The following CELF4 variants were observed in gnomAD, a reference collection of about 807,000 sequenced individuals.
CELF4 encodes CUG-BP- and ETR-3-like factor 4.
A neutral mutation model predicts 59.9 loss-of-function variants in CELF4; 18 were observed. The ratio of observed to expected loss-of-function variants is 0.30; its 90% CI spans 0.21 to 0.45. The LOEUF (loss-of-function observed/expected upper bound fraction) is 0.45, where lower values mean the gene tolerates loss of function less well. Ranked by LOEUF, CELF4 falls within the 20% of genes least tolerant of loss-of-function variation. The probability of loss-of-function intolerance (pLI) is 1.00; values close to 1 mark genes in which losing one functional copy is unlikely to be tolerated. For synonymous variants in CELF4, 261 were observed against 267.1 expected (o/e 0.98, Z 0.22); for missense variants, 456 against 689.0 (o/e 0.66, Z 3.79).
intron 2 of CELF4, among the ~76,000 whole-genome samples, chr18:37,395,196 C>A (rs2099228155): frequency 6.6e-6 from 1 of 152,106 alleles, no homozygotes; most frequent in African/African-American, 2.4e-5. Flanking sequence ...GGCAGAGGCT[C>A]ACTTTCTCCT....
intron 3 of CELF4, among the ~76,000 whole-genome samples, chr18:37,280,468 G>A (rs983925170): frequency 2.0e-5 from 3 of 152,314 alleles, no homozygotes; most frequent in South Asian, 2.1e-4. Flanking sequence ...TTTGGTCTAT[G>A]GGCCCAGAGC....
intron 1 of CELF4, among the ~76,000 whole-genome samples, chr18:37,552,618 C>T (rs1157215544): frequency 6.6e-6 from 1 of 152,240 alleles, no homozygotes; most frequent in East Asian, 1.9e-4. Flanking sequence ...AAGGTCAGAA[C>T]ATTCCAAGTT....
At chr18:37,385,462 G>A (rs1342028664) in intron 2 of CELF4, among the ~76,000 whole-genome samples, 2 of 152,122 alleles carry the variant, frequency 1.3e-5, no homozygotes, top group African/African-American at 2.4e-5. Context: ...GGAAGTAGGG[G>A]TTGCTACTGG....
At chr18:37,365,360 C>T (rs542430083) in intron 2 of CELF4, among the ~76,000 whole-genome samples, 8 of 151,952 alleles carry the variant, frequency 5.3e-5, no homozygotes, top group Middle Eastern at 3.4e-3. Context: ...AAACCTCATT[C>T]GAAGGGAGAA....
intron 2 of CELF4, among the ~76,000 whole-genome samples, chr18:37,414,386 A>T (rs1603637733): frequency 6.7e-6 from 1 of 149,692 alleles, no homozygotes; most frequent in South Asian, 2.1e-4. Flanking sequence ...ATACTCTTTC[A>T]CCCACCCATT....
intron 2 of CELF4, among the ~76,000 whole-genome samples, chr18:37,345,178 A>ATCGT (rs771781555): frequency 1.8e-4 from 27 of 152,270 alleles, no homozygotes; most frequent in African/African-American, 6.3e-4. Flanking sequence ...TAATTAAAGG[A>ATCGT]TCGTTAGGTT....
intron 2 of CELF4, among the ~76,000 whole-genome samples, chr18:37,470,874 GTGTGTGT>G (rs2099819625): frequency 8.5e-5 from 9 of 105,666 alleles, no homozygotes; most frequent in South Asian, 3.2e-4. Flanking sequence ...GTGTGTGTGT[GTGTGTGT>G]GTGTGTGACA....
chr18:37,524,365 G>T (rs189635973), intron 1 of CELF4, among the ~76,000 whole-genome samples: 1 of 152,174 alleles, frequency 6.6e-6, no homozygotes, highest in Non-Finnish European at 1.5e-5. Flanking sequence ...CCAACCCGAG[G>T]AATAAGGAGT....
chr18:37,560,933 C>T (rs186331756), intron 1 of CELF4, among the ~76,000 whole-genome samples: 3 of 152,326 alleles, frequency 2.0e-5, no homozygotes, highest in Admixed American at 6.5e-5. Context: ...CACAAATCAG[C>T]AAAACATATT....
At chr18:37,380,735 T>A (rs1469807023) in intron 2 of CELF4, among the ~76,000 whole-genome samples, 1 of 150,710 alleles carries the variant, frequency 6.6e-6, no homozygotes, top group East Asian at 2.0e-4. Context: ...CATTTATCCA[T>A]CCAGTCATCC....
intron 2 of CELF4, among the ~76,000 whole-genome samples, chr18:37,362,286 TCC>T (rs2098715693): frequency 6.6e-6 from 1 of 152,098 alleles, no homozygotes; most frequent in African/African-American, 2.4e-5. Flanking sequence ...GCCCCGCTCC[TCC>T]TCCTCCTCTT....
chr18:37,383,707 G>C (rs1002620641), intron 2 of CELF4, among the ~76,000 whole-genome samples: 1 of 152,200 alleles, frequency 6.6e-6, no homozygotes, highest in African/African-American at 2.4e-5. Flanking sequence ...AGGCAGGGAA[G>C]TCGGGTATTA....
intron 3 of CELF4, among the ~76,000 whole-genome samples, chr18:37,313,131 G>C (rs1255315376): frequency 6.6e-6 from 1 of 152,200 alleles, no homozygotes; most frequent in Non-Finnish European, 1.5e-5. Context: ...TCCATGCTGG[G>C]GTGGGGTTAG....
chr18:37,405,092 A>ACCC (rs113930814), intron 2 of CELF4, among the ~76,000 whole-genome samples: 7 of 150,988 alleles, frequency 4.6e-5, no homozygotes, highest in African/African-American at 1.5e-4. Flanking sequence ...GCAGGCCCCA[A>ACCC]CCCCCCCCGT....
chr18:37,284,999 C>G (rs1186079396), intron 3 of CELF4, among the ~76,000 whole-genome samples: 1 of 152,210 alleles, frequency 6.6e-6, no homozygotes, highest in Admixed American at 6.5e-5. Context: ...CCTCTCTTCC[C>G]TCTCCACCCC....
chr18:37,360,096 A>T (rs1008258451), intron 2 of CELF4, among the ~76,000 whole-genome samples: 1 of 131,728 alleles, frequency 7.6e-6, no homozygotes, highest in Non-Finnish European at 1.6e-5. Context: ...CAGGCAATCC[A>T]CCCGCCTCGG....
chr18:37,457,748 C>T (rs2099782317), intron 2 of CELF4, among the ~76,000 whole-genome samples: 1 of 152,140 alleles, frequency 6.6e-6, no homozygotes, highest in African/African-American at 2.4e-5. Context: ...CCCAGCTTTC[C>T]CAGGAGGCTG....
At chr18:37,510,940 C>T (rs1158935015) in intron 1 of CELF4, among the ~76,000 whole-genome samples, 3 of 152,132 alleles carry the variant, frequency 2.0e-5, no homozygotes, top group Non-Finnish European at 4.4e-5. Flanking sequence ...TTTTCTGTTC[C>T]ATAGAGTAAC....
At chr18:37,445,936 C>A (rs1603641373) in intron 2 of CELF4, among the ~76,000 whole-genome samples, 2 of 152,322 alleles carry the variant, frequency 1.3e-5, no homozygotes, top group Non-Finnish European at 2.9e-5. Context: ...TGCCAGGCCC[C>A]ACGTGGACCC....
Sources: allele counts gnomAD v4.1 joint callset (sites outside exome capture counted in the v4.1 genomes callset), GRCh38; gene constraint gnomAD v4.1.1; transcripts MANE v1.5; gene names NCBI Gene and HGNC (gene_info 2026-07-23, HGNC 2026-07-21).